TXNL1: variants seen among roughly 807,000 people sequenced by gnomAD.
TXNL1 encodes the protein thioredoxin-like protein 1.
In TXNL1, 14 loss-of-function variants were observed where a neutral mutation model predicts 35.5. The ratio of observed to expected loss-of-function variants is 0.39; its 90% CI spans 0.26 to 0.62. The LOEUF (loss-of-function observed/expected upper bound fraction) is 0.62. TXNL1 is among the 20% of genes least tolerant of loss of function. The pLI is 0.47. For synonymous variants in TXNL1, 110 were observed against 115.5 expected (o/e 0.95, Z 0.31); for missense variants, 263 against 349.7 (o/e 0.75, Z 1.98).
chr18:56,633,005 G>GT (rs1356316455), intron 1 of TXNL1, among the ~76,000 whole-genome samples: 1 of 152,130 alleles, frequency 6.6e-6, no homozygotes, highest in Admixed American at 6.6e-5. Flanking sequence ...ACAAGCTATT[G>GT]TAACTATTAG....
chr18:56,620,232 C>T (rs1372642485), intron 3 of TXNL1, among the ~76,000 whole-genome samples: 2 of 152,142 alleles, frequency 1.3e-5, no homozygotes, highest in Non-Finnish European at 2.9e-5. Context: ...TCCCAAAGTG[C>T]TGGGATTACA....
intron 6 of TXNL1, among the ~76,000 whole-genome samples, chr18:56,613,684 C>G (rs9959882): frequency 2.0e-5 from 3 of 151,962 alleles, no homozygotes; most frequent in Non-Finnish European, 2.9e-5. Context: ...TGAGGTGGCA[C>G]GTGCCTGCGG....
intron 1 of TXNL1, among the ~76,000 whole-genome samples, chr18:56,630,107 G>T (rs1433715543): frequency 6.6e-6 from 1 of 151,724 alleles, no homozygotes; most frequent in Non-Finnish European, 1.5e-5. Context: ...GCTGAGGAAG[G>T]AGAATCACTT....
Sources: allele counts gnomAD v4.1 joint callset (sites outside exome capture counted in the v4.1 genomes callset), GRCh38; gene constraint gnomAD v4.1.1; transcripts MANE v1.5; gene names NCBI Gene and HGNC (gene_info 2026-07-23, HGNC 2026-07-21).